STXBP5L: variants seen among roughly 807,000 people sequenced by gnomAD.
The protein encoded by STXBP5L is syntaxin-binding protein 5-like.
A neutral mutation model predicts 144.5 loss-of-function variants in STXBP5L; 65 were observed. The ratio of observed to expected loss-of-function variants is 0.45; its 90% confidence interval spans 0.37 to 0.55. The LOEUF is 0.55. Ranked by LOEUF, STXBP5L falls within the 20% of genes least tolerant of loss-of-function variation. The probability of loss-of-function intolerance (pLI) is 0.00; values close to 1 mark genes in which losing one functional copy is unlikely to be tolerated. For missense variants in STXBP5L, 1,298 were observed against 1,405.5 expected (o/e 0.92, Z 1.22); for synonymous variants, 505 against 469.6 (o/e 1.08, Z -0.97).
At chr3:121,359,292 G>A (rs186500040) in intron 20 of STXBP5L, among the ~76,000 whole-genome samples, 1 of 152,144 alleles carries the variant, frequency 6.6e-6, no homozygotes, top group Non-Finnish European at 1.5e-5. Flanking sequence ...CCCATCTTTT[G>A]ATCAGATTAT....
intron 3 of STXBP5L, among the ~76,000 whole-genome samples, chr3:121,026,166 T>C (rs769343523): frequency 5.9e-5 from 9 of 151,694 alleles, no homozygotes; most frequent in African/African-American, 9.7e-5. Flanking sequence ...GGTGTCTATA[T>C]GATCAAGTAC....
intron 5 of STXBP5L, among the ~76,000 whole-genome samples, chr3:121,054,412 T>TA (rs544078112): frequency 2.0e-5 from 3 of 151,818 alleles, no homozygotes; most frequent in African/African-American, 7.2e-5. Context: ...TATGCAGCCA[T>TA]AAAAAGGATG....
At chr3:120,947,332 T>C (rs947824040) in intron 2 of STXBP5L, among the ~76,000 whole-genome samples, 3 of 151,850 alleles carry the variant, frequency 2.0e-5, no homozygotes, top group Non-Finnish European at 4.4e-5. Context: ...ATCTATATCA[T>C]TCCAGTTGAT....
intron 19 of STXBP5L, among the ~76,000 whole-genome samples, chr3:121,308,193 C>A (rs2043406302): frequency 6.6e-6 from 1 of 152,188 alleles, no homozygotes; most frequent in African/African-American, 2.4e-5. Flanking sequence ...GTGCAGCAAA[C>A]CACCGTGGCA....
intron 20 of STXBP5L, among the ~76,000 whole-genome samples, chr3:121,372,726 T>G (rs140336251): frequency 4.3e-4 from 65 of 151,446 alleles, no homozygotes; most frequent in African/African-American, 1.5e-3. Flanking sequence ...TGTGCCAGTC[T>G]CCCCAGTATC....
At position 121,298,357 on chromosome 3, in the gene STXBP5L, T is replaced by C. The variant is rs551078359; in HGVS notation, c.2110+18401T>C. On this transcript the variant is annotated intron_variant, in intron 19 of 26. Transcript: ENST00000471454. ...GCATTTAAAAATTAAACATAAGACCTAAAACTGTAAAACTTCCAGAAGAAA... is the reference window on the plus strand; with the variant it reads ...GCATTTAAAAATTAAACATAAGACCCAAAACTGTAAAACTTCCAGAAGAAA... 2.6e-5 allele frequency among the ~76,000 whole-genome samples: 4 copies of C among 152,302 alleles called. No homozygotes were observed. The East Asian group carries it at 7.7e-4, about 29-fold the overall frequency.
intron 19 of STXBP5L, among the ~76,000 whole-genome samples, chr3:121,312,800 C>A (rs987043619): frequency 6.6e-6 from 1 of 151,986 alleles, no homozygotes; most frequent in Non-Finnish European, 1.5e-5. Context: ...TCAACAGGAT[C>A]CCAAGGCAGA....
At chr3:120,909,996 G>T (rs1434697864) in intron 2 of STXBP5L, among the ~76,000 whole-genome samples, 2 of 152,162 alleles carry the variant, frequency 1.3e-5, no homozygotes, top group Non-Finnish European at 2.9e-5. Context: ...AGTAGAATTT[G>T]CAAGATAATG....
intron 22 of STXBP5L, among the ~76,000 whole-genome samples, chr3:121,390,680 AT>A (rs1333465807): frequency 2.0e-5 from 3 of 151,788 alleles, no homozygotes. Context: ...TGGGTTGAAA[AT>A]TTTTTTCTTT....
chr3:121,056,772 A>G (rs1475312989), intron 5 of STXBP5L, among the ~76,000 whole-genome samples: 1 of 152,022 alleles, frequency 6.6e-6, no homozygotes, highest in Non-Finnish European at 1.5e-5. Context: ...ATAGACGTTC[A>G]TTACATACAT....
chr3:121,104,566 C>T (rs2043596979), intron 5 of STXBP5L, among the ~76,000 whole-genome samples: 1 of 152,068 alleles, frequency 6.6e-6, no homozygotes, highest in Non-Finnish European at 1.5e-5. Context: ...GGAAATGGAA[C>T]TAAATAGGGA....
intron 12 of STXBP5L, among the ~76,000 whole-genome samples, chr3:121,235,151 C>G (rs1303342184): frequency 6.6e-6 from 1 of 151,882 alleles, no homozygotes; most frequent in African/African-American, 2.4e-5. Context: ...CTAACATTTA[C>G]CTTCTTTAGC....
At chr3:121,117,584 A>G (rs1224223695) in intron 6 of STXBP5L, among the ~76,000 whole-genome samples, 2 of 151,724 alleles carry the variant, frequency 1.3e-5, no homozygotes, top group Non-Finnish European at 1.5e-5. Context: ...AATTAAGAAG[A>G]CTCATTTAAT....
intron 22 of STXBP5L, among the ~76,000 whole-genome samples, chr3:121,388,786 C>T (rs991307916): frequency 2.6e-5 from 4 of 152,074 alleles, no homozygotes; most frequent in Non-Finnish European, 4.4e-5. Flanking sequence ...CTGCTGGATT[C>T]GTTTGTCAGT....
chr3:121,000,217 G>A (rs1462121469), intron 3 of STXBP5L, among the ~76,000 whole-genome samples: 1 of 152,062 alleles, frequency 6.6e-6, no homozygotes, highest in Non-Finnish European at 1.5e-5. Flanking sequence ...CAAGTTGCTT[G>A]CTCTCTCCCC....
rs575183429 is a variant in STXBP5L at position 121,044,766 on chromosome 3, A to T, written c.370-669A>T. On this transcript the variant is annotated intron_variant, in intron 4 of 26. Transcript: ENST00000471454. ...TCCACATGCTTTCTGCCACATTAAG[A>T]GGTAGAAAATATCCTATTGTATGCG... Among the ~76,000 whole-genome samples the T allele has an allele frequency of 2.6e-5, 4 of 152,254 alleles. No individual in the cohort carries two copies. The East Asian group carries it at 5.8e-4, about 22-fold the overall frequency.
intron 5 of STXBP5L, among the ~76,000 whole-genome samples, chr3:121,047,497 G>T (rs966526254): frequency 2.0e-5 from 3 of 152,138 alleles, no homozygotes; most frequent in Admixed American, 6.5e-5. Flanking sequence ...AAGTCTCTTT[G>T]TAGGTCTCTA....
intron 24 of STXBP5L, among the ~76,000 whole-genome samples, chr3:121,413,864 A>G (rs76219655): frequency 0.015 from 2,321 of 152,266 alleles, 23 homozygotes; most frequent in Middle Eastern, 0.037. Flanking sequence ...ACATTTAACT[A>G]TTTAACCCCC....
chr3:121,154,938 T>A (rs2107995241), intron 8 of STXBP5L, among the ~76,000 whole-genome samples: 1 of 152,002 alleles, frequency 6.6e-6, no homozygotes. Context: ...TTTTATATTG[T>A]CTCATTTATT....
Sources: allele counts gnomAD v4.1 joint callset (sites outside exome capture counted in the v4.1 genomes callset), GRCh38; gene constraint gnomAD v4.1.1; transcripts MANE v1.5; gene names NCBI Gene and HGNC (gene_info 2026-07-23, HGNC 2026-07-21).